RIPK4: variants seen among roughly 807,000 people sequenced by gnomAD.
RIPK4 encodes receptor-interacting serine/threonine-protein kinase 4.
In RIPK4, 17 loss-of-function variants were observed where a neutral mutation model predicts 42.9. The ratio of observed to expected loss-of-function variants is 0.40; its 90% confidence interval spans 0.27 to 0.59. RIPK4 has a LOEUF of 0.59. Among genes scored for constraint, RIPK4 ranks in the 20% least tolerant of loss-of-function variants. RIPK4 has a pLI of 0.47. For missense variants in RIPK4, 897 were observed against 1,104.4 expected (o/e 0.81, Z 2.66); for synonymous variants, 498 against 499.1 (o/e 1.00, Z 0.03).
In RIPK4 at chr21:41,757,915, C is replaced by T. The variant is rs182460432; in HGVS notation, c.183-1099G>A. On this transcript the variant is annotated intron_variant, in intron 1 of 7. Coordinates refer to ENST00000332512, the MANE Select transcript of RIPK4 (RefSeq NM_020639.3). ...TCAGGAGGCTGAAACAGGAGAATCA[C>T]TTGAACCTGGGAGGCGGAGGTTACA... Among the ~76,000 whole-genome samples, 386 of 144,712 alleles carry T rather than the reference C, an allele frequency of 2.7e-3. 4 individuals are homozygous for T. Among genetic ancestry groups the T allele is most frequent in the African/African-American group, 9.5e-3 (366 of 38,600 alleles). 94.9% of individuals were successfully genotyped at this position (144,712 alleles called of 152,430 possible). A position where few individuals can be genotyped will look rare whatever the true frequency, so the allele number is the denominator to read the frequency against.
chr21:41,756,682 T>C lies in RIPK4; in HGVS notation c.317A>G (p.Lys106Arg). The part of the protein sequence containing the change: ...MEYMETGSLE[K>R]LLASEPLPWD... ...TGGCAATGGCTCCGAAGCCAGCAGC[T>C]TTTCCAGGGAGCCCGTCTCCATGTA... Residue 106 changes from lysine to arginine, a missense_variant, in exon 2 of 8, where the codon AAG (lysine) becomes AGG (arginine). Coordinates refer to ENST00000332512, the MANE Select transcript of RIPK4 (RefSeq NM_020639.3). 6.2e-7 allele frequency: 1 copy of C among 1,614,160 alleles called. No homozygotes were observed. Among genetic ancestry groups the C allele is most frequent in the Admixed American group, 1.7e-5 (1 of 60,030 alleles).
At chr21:41,762,463 G>A (rs1457092557) in intron 1 of RIPK4, among the ~76,000 whole-genome samples, 1 of 152,188 alleles carries the variant, frequency 6.6e-6, no homozygotes, top group Non-Finnish European at 1.5e-5. Flanking sequence ...CTCTCCAGGT[G>A]CTCCCTAGGC....
At chr21:41,759,362 G>A (rs1427704600) in intron 1 of RIPK4, among the ~76,000 whole-genome samples, 2 of 152,112 alleles carry the variant, frequency 1.3e-5, no homozygotes, top group East Asian at 3.8e-4. Flanking sequence ...AAAGTGCTAG[G>A]ATTACAGGCA....
chr21:41,759,302 A>T (rs528943488), intron 1 of RIPK4, among the ~76,000 whole-genome samples: 1 of 152,202 alleles, frequency 6.6e-6, no homozygotes, highest in African/African-American at 2.4e-5. Context: ...GCTGTTTGCC[A>T]GGGTGGTCTT....
intron 5 of RIPK4, 74 bp downstream of exon 5, chr21:41,746,539 C>T (rs1234719644): frequency 2.0e-5 from 31 of 1,554,244 alleles, no homozygotes; most frequent in African/African-American, 2.7e-5. Context: ...CCTGGTCCCT[C>T]ACCCTGTCCT....
Position 41,751,127 on chromosome 21 carries a change from C to T in RIPK4, c.593G>A (p.Arg198Gln), listed in dbSNP as rs753741009. ...TACATCGTGCTTGGTGTCGAAGAGC[C>T]GGCTCTTCTCCCTGATGCGCTCTGG... ...LPPERIREKS[R>Q]LFDTKHDVYS... is the part of the protein sequence containing the mutation. The change falls in exon 3 of 8, where the codon CGG becomes CAG. Residue 198 changes from arginine to glutamine, a missense_variant. Transcript: ENST00000332512. The surrounding 1 kb of genome is among the most constrained non-coding windows in gnomAD (Gnocchi z 4.5). 38 of 1,614,004 alleles carry T rather than the reference C, an allele frequency of 2.4e-5. No individual in the cohort carries two copies. Among genetic ancestry groups the T allele is most frequent in the African/African-American group, 4.0e-5 (3 of 74,922 alleles).
intron 1 of RIPK4, among the ~76,000 whole-genome samples, chr21:41,766,241 T>A (rs2146064960): frequency 6.6e-6 from 1 of 152,232 alleles, no homozygotes; most frequent in Non-Finnish European, 1.5e-5. Flanking sequence ...GCCCCGGAGC[T>A]CCACCGCGCA....
intron 2 of RIPK4, among the ~76,000 whole-genome samples, chr21:41,752,629 C>T (rs1203608301): frequency 4.6e-5 from 7 of 152,202 alleles, no homozygotes; most frequent in Non-Finnish European, 5.9e-5. Flanking sequence ...CGCCATCACC[C>T]GACCCTGCAA....
At chr21:41,761,100 G>A (rs2061219066) in intron 1 of RIPK4, among the ~76,000 whole-genome samples, 1 of 152,218 alleles carries the variant, frequency 6.6e-6, no homozygotes, top group African/African-American at 2.4e-5. Context: ...CCCATCAAGG[G>A]ATGGGGGGTG....
chr21:41,758,039 T>TAGAGAGAGAG (rs1268153558), intron 1 of RIPK4, among the ~76,000 whole-genome samples: 2 of 89,054 alleles, frequency 2.2e-5, no homozygotes, highest in Non-Finnish European at 4.1e-5. Context: ...TATATATATA[T>TAGAGAGAGAG]ATAGAGAGAG....
Position 41,741,853 on chromosome 21 carries a change from T to C in RIPK4, c.1340A>G (p.Glu447Gly). ...CTTGGCGCACTCCTCTTGCCCGGCC[T>C]CCACCGCCAGGTGCAGCAGGCTGGC... is the stretch of plus-strand genomic sequence containing the variant. ...SGASLLHLAV[E>G]AGQEECAKWL... is the part of the protein sequence containing the mutation. Residue 447 changes from glutamate to glycine, a missense_variant, in exon 8 of 8, where the codon GAG (glutamate) becomes GGG (glycine). Transcript: ENST00000332512. 6.2e-7 allele frequency: 1 copy of C among 1,612,968 alleles called. No homozygotes were observed. Among genetic ancestry groups the C allele is most frequent in the Non-Finnish European group, 8.5e-7 (1 of 1,180,024 alleles).
chr21:41,763,524 G>A (rs141403329), intron 1 of RIPK4, among the ~76,000 whole-genome samples: 1 of 152,276 alleles, frequency 6.6e-6, no homozygotes, highest in East Asian at 1.9e-4. Context: ...GCAGGGAGGT[G>A]GGGGAGACGG....
chr21:41,752,462 G>T (rs950095534), intron 2 of RIPK4, among the ~76,000 whole-genome samples: 1 of 151,950 alleles, frequency 6.6e-6, no homozygotes, highest in Admixed American at 6.5e-5. Flanking sequence ...AGCAGGGACC[G>T]GCCCTCCTTC....
chr21:41,748,491 G>A (rs575778738), intron 4 of RIPK4, among the ~76,000 whole-genome samples: 1 of 152,292 alleles, frequency 6.6e-6, no homozygotes, highest in East Asian at 1.9e-4. Context: ...GCCTGGCTGG[G>A]GAAGCAAACA....
chr21:41,747,700 T>G (rs76644957), intron 4 of RIPK4, among the ~76,000 whole-genome samples: 3,664 of 152,276 alleles, frequency 0.024, 149 homozygotes, highest in African/African-American at 0.083. Context: ...ATTTCCATGA[T>G]TATTCAGACT....
At chr21:41,753,162 C>T (rs1163738751) in intron 2 of RIPK4, among the ~76,000 whole-genome samples, 1 of 152,152 alleles carries the variant, frequency 6.6e-6, no homozygotes, top group Non-Finnish European at 1.5e-5. Flanking sequence ...CTCCGTGGCC[C>T]TGGACTATTA....
chr21:41,766,725 G>A (rs576274335), intron 1 of RIPK4, 135 bp downstream of exon 1: 902 of 941,224 alleles, frequency 9.6e-4, no homozygotes, highest in Non-Finnish European at 1.3e-3. Flanking sequence ...CGGCCTCGCC[G>A]GCAATTGGTT....
intron 4 of RIPK4, among the ~76,000 whole-genome samples, chr21:41,747,637 C>T (rs776951114): frequency 6.6e-6 from 1 of 152,204 alleles, no homozygotes; most frequent in Non-Finnish European, 1.5e-5. Flanking sequence ...ATGTTTTGCT[C>T]CACTTTCCCA....
intron 1 of RIPK4, among the ~76,000 whole-genome samples, chr21:41,760,104 G>A (rs1343733206): frequency 2.0e-5 from 3 of 152,202 alleles, no homozygotes; most frequent in Admixed American, 6.5e-5. Flanking sequence ...CAGCCCCAAG[G>A]CTAAGAATTA....
Sources: gnomAD v4.1 joint callset for allele counts (sites outside exome capture counted in the v4.1 genomes callset) on GRCh38, gnomAD v4.1.1 for gene constraint, Gnocchi (gnomAD v3.1) non-coding constraint, MANE v1.5 for transcripts, NCBI Gene and HGNC (gene_info 2026-07-23, HGNC 2026-07-21) for gene names.